LMAN1: variants seen among roughly 807,000 people sequenced by gnomAD.
LMAN1 encodes the protein lectin, mannose binding 1, also known as protein ERGIC-53.
In LMAN1, 32 loss-of-function variants were observed where a neutral mutation model predicts 67.8. That is an observed-to-expected ratio of 0.47 (90% CI 0.36 to 0.63). LMAN1 has a LOEUF of 0.63. Ranked by LOEUF, LMAN1 falls within the 30% of genes least tolerant of loss-of-function variation. The probability of loss-of-function intolerance (pLI) is 0.00; values close to 1 mark genes in which losing one functional copy is unlikely to be tolerated. For missense variants in LMAN1, 632 were observed against 628.2 expected (o/e 1.01, Z -0.06); for synonymous variants, 235 against 219.3 (o/e 1.07, Z -0.63).
In LMAN1 at chr18:59,359,041, G is replaced by C; in HGVS notation, c.204C>G (p.Ala68=). 1.9e-6 allele frequency: 3 copies of C among 1,613,934 alleles called. No individual in the cohort carries two copies. The highest frequency in any genetic ancestry group is 2.5e-6 in the Non-Finnish European group (3 of 1,179,958). Residue 68 remains alanine, a synonymous_variant, in exon 1 of 13, where the codon GCC becomes GCG. Transcript: ENST00000251047. The part of the protein sequence containing the change: ...VQSDGTVPFW[A]HAGNAIPSSD... ...TCTGCTCCGGCTTACTCCCCGCGTG[G>C]GCCCAGAAGGGCACGGTCCCGTCGC...
At chr18:59,337,425 G>A (rs554211947) in intron 10 of LMAN1, among the ~76,000 whole-genome samples, 71 of 152,162 alleles carry the variant, frequency 4.7e-4, no homozygotes, top group African/African-American at 1.7e-3. Context: ...GATAAATTTT[G>A]AATAGGTCAT....
chr18:59,359,202 G>A lies in LMAN1; in HGVS notation c.43C>T (p.Pro15Ser), dbSNP rs145734177. 21 of 1,613,894 alleles carry A rather than the reference G, an allele frequency of 1.3e-5. No individual in the cohort carries two copies. Among genetic ancestry groups the A allele is most frequent in the African/African-American group, 2.7e-5 (2 of 74,952 alleles). ...GACAGCAGCAAGGCGCAGAACAGCGGCCGAACTCTGGCCCGGAGACCCCTT... is the reference window on the plus strand; with the variant it reads ...GACAGCAGCAAGGCGCAGAACAGCGACCGAACTCTGGCCCGGAGACCCCTT... The part of the protein sequence containing the change: ...RQRGLRARVR[P>S]LFCALLLSLG... The change falls in exon 1 of 13, where the codon CCG becomes TCG. Residue 15 changes from proline to serine, a missense_variant. Pro to Ser is a moderately conservative substitution (Grantham distance 74). Coordinates refer to ENST00000251047, the MANE Select transcript of LMAN1 (RefSeq NM_005570.4).
At chr18:59,352,480 C>G (rs1158778124) in intron 5 of LMAN1, among the ~76,000 whole-genome samples, 2 of 152,220 alleles carry the variant, frequency 1.3e-5, no homozygotes, top group Admixed American at 6.5e-5. Context: ...GGAAGCTGTG[C>G]AAGGCCTGTT....
chr18:59,358,979 G>A, intron 1 of LMAN1, 52 bp downstream of exon 1: 1 of 1,552,680 alleles, frequency 6.4e-7, no homozygotes, highest in Non-Finnish European at 8.9e-7. Flanking sequence ...AAGGCGAAGA[G>A]GCAGCAGAAG....
chr18:59,334,214 A>G (rs951864198), intron 10 of LMAN1, among the ~76,000 whole-genome samples: 1 of 152,232 alleles, frequency 6.6e-6, no homozygotes, highest in East Asian at 1.9e-4. Flanking sequence ...TTAGGTATAA[A>G]TGTCTTTTTA....
chr18:59,353,443 A>C, intron 4 of LMAN1, 142 bp from the exon 5 acceptor site: 1 of 678,926 alleles, frequency 1.5e-6, no homozygotes, highest in East Asian at 2.8e-5. Context: ...ACGAGACTAC[A>C]TGAGACTAAG....
chr18:59,337,170 A>G (rs973556934), intron 10 of LMAN1, among the ~76,000 whole-genome samples: 5 of 148,296 alleles, frequency 3.4e-5, no homozygotes, highest in African/African-American at 1.2e-4. Context: ...AATAATATAT[A>G]TAATTATATT....
At chr18:59,353,387 A>C in intron 4 of LMAN1, 86 bp from the exon 5 acceptor site, 1 of 989,760 alleles carries the variant, frequency 1.0e-6, no homozygotes. Flanking sequence ...ATATCAAGTT[A>C]TGAAAAAGTC....
At chr18:59,348,683 C>T (rs886245253) in intron 6 of LMAN1, among the ~76,000 whole-genome samples, 1 of 152,112 alleles carries the variant, frequency 6.6e-6, no homozygotes, top group Non-Finnish European at 1.5e-5. Flanking sequence ...CTTAGGTTGC[C>T]AAATTCATTT....
At chr18:59,333,931 T>C (rs937035484) in intron 10 of LMAN1, among the ~76,000 whole-genome samples, 4 of 152,008 alleles carry the variant, frequency 2.6e-5, no homozygotes, top group Non-Finnish European at 5.9e-5. Flanking sequence ...TTTAAAAAAT[T>C]ATGTTTGAGT....
At position 59,342,077 on chromosome 18, in the gene LMAN1, G is replaced by C. The variant is rs540883970; in HGVS notation, c.956-3124C>G. Among the ~76,000 whole-genome samples the C allele has an allele frequency of 2.0e-5, 3 of 152,092 alleles. No homozygotes were observed. The South Asian group carries it at 6.2e-4, about 32-fold the overall frequency. ...ATATGCTCACAAACTAGAAAACCTA[G>C]AGGAAATGGATAAGTTCCTGGAAAC... On this transcript the variant is annotated intron_variant, in intron 8 of 12. Transcript: ENST00000251047.
At position 59,354,562 on chromosome 18, in the gene LMAN1, C is replaced by T. The variant is rs1251719125; in HGVS notation, c.496G>A (p.Val166Ile). 6.7e-7 allele frequency: 1 copy of T among 1,490,920 alleles called. No homozygotes were observed. Among genetic ancestry groups the T allele is most frequent in the South Asian group, 1.1e-5 (1 of 87,074 alleles). The allele number at this position is 1,490,920 out of a possible 1,614,324, so 92.4% of individuals were successfully genotyped here. A position where few individuals can be genotyped will look rare whatever the true frequency, so the allele number is the denominator to read the frequency against. ...ATTTGTCCATTGTTGCCTATAATTA[C>T]TATAGCAGGATTATTTTTCTAAAAA... ...NDGKKNNPAI[V>I]IIGNNGQIHY... Residue 166 changes from valine to isoleucine, a missense_variant, in exon 4 of 13, where the codon GTA (valine) becomes ATA (isoleucine). Val to Ile is a conservative substitution (Grantham distance 29, BLOSUM62 3). Transcript: ENST00000251047.
intron 5 of LMAN1, among the ~76,000 whole-genome samples, chr18:59,351,139 G>C (rs572396994): frequency 1.3e-5 from 2 of 152,238 alleles, no homozygotes; most frequent in African/African-American, 4.8e-5. Context: ...CTTCACATTG[G>C]CACAATATTA....
intron 8 of LMAN1, among the ~76,000 whole-genome samples, chr18:59,342,453 CA>C (rs1311251512): frequency 6.6e-6 from 1 of 152,048 alleles, no homozygotes; most frequent in Admixed American, 6.6e-5. Flanking sequence ...TACAGCACAT[CA>C]AAAAGATAAT....
At chr18:59,339,792 G>A (rs1462262032) in intron 8 of LMAN1, among the ~76,000 whole-genome samples, 1 of 152,154 alleles carries the variant, frequency 6.6e-6, no homozygotes, top group African/African-American at 2.4e-5. Context: ...ACTGAGACAT[G>A]AGTAGACAGC....
intron 8 of LMAN1, 141 bp from the exon 9 acceptor site, chr18:59,339,094 T>C (rs1209408371): frequency 1.9e-5 from 13 of 677,878 alleles, no homozygotes; most frequent in Non-Finnish European, 3.4e-5. Context: ...ACAGAAAATA[T>C]GCAAATAATT....
At position 59,359,019 on chromosome 18, in the gene LMAN1, G is replaced by A. The variant is rs1342197588; in HGVS notation, c.214+12C>T. On this transcript the variant is annotated intron_variant, in intron 1 of 12. Coordinates refer to ENST00000251047, the MANE Select transcript of LMAN1 (RefSeq NM_005570.4). ...AGAGGAACCCGGCCCCCAGCCCTCT[G>A]CTCCGGCTTACTCCCCGCGTGGGCC... 1.2e-6 allele frequency: 2 copies of A among 1,612,956 alleles called. No individual in the cohort carries two copies. The highest frequency in any genetic ancestry group is 1.7e-5 in the Admixed American group (1 of 60,028).
At chr18:59,346,179 C>T in intron 7 of LMAN1, 128 bp from the exon 8 acceptor site, 1 of 548,532 alleles carries the variant, frequency 1.8e-6, no homozygotes, top group Non-Finnish European at 3.1e-6. Context: ...AAAATGTATT[C>T]CTTCTTTACT....
In LMAN1 at chr18:59,349,156, T is replaced by G; in HGVS notation, c.720A>C (p.Ala240=). ...CAGCAGATATTCCAAAATGCCCTTG[T>G]GCAGGGATAATCATATTTTCCACTT... is the stretch of plus-strand genomic sequence containing the variant. ...CAKVENMIIP[A]QGHFGISAAT... is the part of the protein sequence containing the mutation. Residue 240 remains alanine (A), a synonymous_variant, in exon 6 of 13, where the codon GCA becomes GCC. Coordinates refer to ENST00000251047, the MANE Select transcript of LMAN1 (RefSeq NM_005570.4). The G allele has an allele frequency of 1.2e-6, 2 of 1,614,030 alleles. No individual in the cohort carries two copies. The highest frequency in any genetic ancestry group is 3.3e-5 in the Admixed American group (2 of 60,030).
Sources: gnomAD v4.1 joint callset for allele counts (sites outside exome capture counted in the v4.1 genomes callset) on GRCh38, gnomAD v4.1.1 for gene constraint, MANE v1.5 for transcripts, NCBI Gene and HGNC (gene_info 2026-07-23, HGNC 2026-07-21) for gene names.